The following RALYL variants were observed in gnomAD, a reference collection of about 807,000 sequenced individuals.
RALYL encodes RNA-binding Raly-like protein.
A neutral mutation model predicts 35.1 loss-of-function variants in RALYL; 29 were observed. The observed-to-expected ratio is 0.83, with a 90% CI of 0.61 to 1.13. The LOEUF (loss-of-function observed/expected upper bound fraction) is 1.13, where lower values mean the gene tolerates loss of function less well. RALYL is among the 50% of genes most tolerant of loss of function. RALYL has a pLI of 0.00. For missense variants in RALYL, 359 were observed against 360.4 expected (o/e 1.00, Z 0.03); for synonymous variants, 120 against 127.6 (o/e 0.94, Z 0.40).
chr8:84,496,816 G>A (rs969852208), intron 1 of RALYL, among the ~76,000 whole-genome samples: 1 of 151,968 alleles, frequency 6.6e-6, no homozygotes, highest in Non-Finnish European at 1.5e-5. Context: ...TTGCAGTTTT[G>A]TCTTCAACCT....
chr8:84,694,466 CA>C (rs1838732186), intron 2 of RALYL, among the ~76,000 whole-genome samples: 1 of 151,684 alleles, frequency 6.6e-6, no homozygotes, highest in African/African-American at 2.4e-5. Context: ...GTAGAAGACA[CA>C]AATAAGTAGA....
chr8:84,230,484 A>G (rs1175540638), intron 1 of RALYL, among the ~76,000 whole-genome samples: 2 of 152,200 alleles, frequency 1.3e-5, no homozygotes, highest in African/African-American at 4.8e-5. Context: ...CCTGTGAATA[A>G]TGTGAACAGG....
intron 2 of RALYL, among the ~76,000 whole-genome samples, chr8:84,733,504 A>G (rs1846634355): frequency 6.6e-6 from 1 of 152,172 alleles, no homozygotes; most frequent in Non-Finnish European, 1.5e-5. Flanking sequence ...TAATATTATT[A>G]ATAGTATTGA....
chr8:84,830,860 T>C (rs1830775569), intron 4 of RALYL, among the ~76,000 whole-genome samples: 1 of 152,058 alleles, frequency 6.6e-6, no homozygotes, highest in Admixed American at 6.6e-5. Context: ...CTAAGAAACA[T>C]TTATAGATTA....
chr8:84,490,079 A>ATG (rs143193843), intron 1 of RALYL, among the ~76,000 whole-genome samples: 2,577 of 144,378 alleles, frequency 0.018, 26 homozygotes, highest in African/African-American at 0.034. Flanking sequence ...GCTTGCGTGC[A>ATG]TGTGTGTGTG....
chr8:84,400,974 T>C (rs2042831826), intron 1 of RALYL, among the ~76,000 whole-genome samples: 1 of 152,236 alleles, frequency 6.6e-6, no homozygotes, highest in African/African-American at 2.4e-5. Context: ...ACTCATCAAC[T>C]TAGTTATGGC....
intron 2 of RALYL, among the ~76,000 whole-genome samples, chr8:84,585,722 T>C: frequency 6.6e-6 from 1 of 152,096 alleles, no homozygotes; most frequent in East Asian, 1.9e-4. Context: ...TTAACAAATA[T>C]TCCAAATGTG....
intron 1 of RALYL, among the ~76,000 whole-genome samples, chr8:84,497,633 T>G (rs1230880892): frequency 1.5e-5 from 2 of 134,974 alleles, no homozygotes; most frequent in South Asian, 5.3e-4. Context: ...TTTTGTTGTT[T>G]TTGTTTTTGT....
chr8:84,291,724 A>AT (rs869195199), intron 1 of RALYL, among the ~76,000 whole-genome samples: 1 of 151,944 alleles, frequency 6.6e-6, no homozygotes, highest in Non-Finnish European at 1.5e-5. Flanking sequence ...GAGGTCTTGT[A>AT]TTTTTTAAAA....
chr8:84,683,858 G>A (rs1361251372), intron 2 of RALYL, among the ~76,000 whole-genome samples: 3 of 151,998 alleles, frequency 2.0e-5, no homozygotes, highest in African/African-American at 2.4e-5. Context: ...AGCTTATTCT[G>A]TATATTAAGT....
intron 7 of RALYL, among the ~76,000 whole-genome samples, chr8:84,876,720 T>C (rs1841225973): frequency 1.3e-5 from 2 of 152,188 alleles, no homozygotes; most frequent in Non-Finnish European, 2.9e-5. Flanking sequence ...TTATTCCTGA[T>C]ACATGAGCAG....
chr8:84,745,981 CTCTTGA>C (rs1423958224), intron 2 of RALYL, among the ~76,000 whole-genome samples: 1 of 152,026 alleles, frequency 6.6e-6, no homozygotes, highest in Non-Finnish European at 1.5e-5. Flanking sequence ...TGCAGGGTAT[CTCTTGA>C]TATTAACTAG....
At chr8:84,908,597 A>G (rs565744420) in intron 8 of RALYL, among the ~76,000 whole-genome samples, 35 of 152,018 alleles carry the variant, frequency 2.3e-4, no homozygotes, top group Non-Finnish European at 2.6e-4. Context: ...TTATCCATTC[A>G]CCCATTGTTA....
intron 2 of RALYL, among the ~76,000 whole-genome samples, chr8:84,720,618 C>T (rs761128241): frequency 6.6e-6 from 1 of 151,964 alleles, no homozygotes; most frequent in Admixed American, 6.6e-5. Flanking sequence ...GCATAGGCAT[C>T]GAAAGCAAAA....
chr8:84,529,293 T>C lies in RALYL; in HGVS notation c.-23-6T>C. On this transcript the variant is annotated splice_polypyrimidine_tract_variant and splice_region_variant and intron_variant, in intron 1 of 8. Coordinates refer to ENST00000521268, the MANE Select transcript of RALYL (RefSeq NM_173848.7). The stretch of plus-strand genomic sequence containing the variant: ...TTTGTTTTGTTTGTTTGTTTGTTTG[T>C]TTAAGGATTAAAGCAAGGAGAGCCA... 3.9e-6 allele frequency: 6 copies of C among 1,552,774 alleles called. No individual in the cohort carries two copies. Among genetic ancestry groups the C allele is most frequent in the Non-Finnish European group, 5.2e-6 (6 of 1,146,692 alleles).
chr8:84,743,551 T>G (rs539099999), intron 2 of RALYL, among the ~76,000 whole-genome samples: 2 of 152,078 alleles, frequency 1.3e-5, no homozygotes, highest in South Asian at 4.1e-4. Context: ...TATTCACAGC[T>G]AGGGAGTTAC....
chr8:84,485,932 C>T (rs2054563568), intron 1 of RALYL, among the ~76,000 whole-genome samples: 1 of 150,684 alleles, frequency 6.6e-6, no homozygotes, highest in Non-Finnish European at 1.5e-5. Flanking sequence ...AATGGATTCT[C>T]AAGAAAGTTG....
At chr8:84,360,113 T>C (rs1852667709) in intron 1 of RALYL, among the ~76,000 whole-genome samples, 2 of 152,288 alleles carry the variant, frequency 1.3e-5, no homozygotes, top group African/African-American at 2.4e-5. Context: ...CCTTAAGTCA[T>C]CCGCCCACAT....
intron 2 of RALYL, among the ~76,000 whole-genome samples, chr8:84,762,113 A>G (rs183870606): frequency 1.2e-4 from 19 of 152,260 alleles, no homozygotes; most frequent in Non-Finnish European, 2.5e-4. Flanking sequence ...AGAGGAATAA[A>G]GGGGCAGTAG....
Sources: gnomAD v4.1 joint callset for allele counts (sites outside exome capture counted in the v4.1 genomes callset) on GRCh38, gnomAD v4.1.1 for gene constraint, MANE v1.5 for transcripts, NCBI Gene and HGNC (gene_info 2026-07-23, HGNC 2026-07-21) for gene names.